Variants in FERMT2 observed in about 807,000 individuals in gnomAD.
The protein encoded by FERMT2 is fermitin family homolog 2.
Under a neutral mutation model 82.7 loss-of-function variants are expected in FERMT2, and 15 were observed. The observed-to-expected ratio is 0.18, with a 90% CI of 0.12 to 0.28. The LOEUF (loss-of-function observed/expected upper bound fraction) is 0.28. FERMT2 is among the 10% of genes least tolerant of loss of function. The pLI, the probability that FERMT2 is intolerant of heterozygous loss-of-function variation, is 1.00. For missense variants in FERMT2, 645 were observed against 809.4 expected (o/e 0.80, Z 2.46); for synonymous variants, 274 against 271.5 (o/e 1.01, Z -0.09).
At chr14:52,881,171 C>A (rs905770883) in intron 5 of FERMT2, 33 bp from the exon 6 acceptor site, 8 of 1,595,256 alleles carry the variant, frequency 5.0e-6, no homozygotes, top group Non-Finnish European at 5.2e-6. Context: ...AACAAAACAA[C>A]ACAGAATGAA....
At chr14:52,880,319 T>C (rs1886212416) in intron 6 of FERMT2, among the ~76,000 whole-genome samples, 1 of 152,236 alleles carries the variant, frequency 6.6e-6, no homozygotes, top group Non-Finnish European at 1.5e-5. Flanking sequence ...TAAAAGTAAT[T>C]GAAAAGGTAA....
At chr14:52,925,453 GA>G (rs1415287006) in intron 2 of FERMT2, among the ~76,000 whole-genome samples, 33 of 151,172 alleles carry the variant, frequency 2.2e-4, no homozygotes, top group Non-Finnish European at 4.4e-5. Context: ...AGCTACTTGG[GA>G]AGGCTGAGGC....
At position 52,924,381 on chromosome 14, in the gene FERMT2, A is replaced by G. The variant is rs190512242; in HGVS notation, c.158-5025T>C. Among the ~76,000 whole-genome samples the G allele has an allele frequency of 6.0e-4, 91 of 151,250 alleles. 1 individual carries two copies. The highest frequency in any genetic ancestry group is 2.1e-3 in the African/African-American group (86 of 40,932). ...TTAAAAAATACTGATGCCTGGCCCC[A>G]CCCTAAACTAGGGCTATTTTGGTTT... On this transcript the variant is annotated intron_variant, in intron 2 of 14. Transcript: ENST00000341590.
chr14:52,925,076 T>A (rs1570879), intron 2 of FERMT2, among the ~76,000 whole-genome samples: 5 of 152,020 alleles, frequency 3.3e-5, no homozygotes, highest in Non-Finnish European at 7.4e-5. Flanking sequence ...ATTTTGAAAC[T>A]AACAGTATCT....
chr14:52,949,154 A>T (rs1187068517), intron 2 of FERMT2, among the ~76,000 whole-genome samples: 1 of 152,188 alleles, frequency 6.6e-6, no homozygotes, highest in Non-Finnish European at 1.5e-5. Context: ...GTCTTAAGGA[A>T]GAGGCTACCT....
chr14:52,889,988 G>T (rs1426732781), intron 4 of FERMT2, among the ~76,000 whole-genome samples: 1 of 151,882 alleles, frequency 6.6e-6, no homozygotes, highest in Non-Finnish European at 1.5e-5. Context: ...AATTAGCCAA[G>T]TATGGTGGTG....
chr14:52,859,371 A>G (rs1884760297), intron 14 of FERMT2: 2 of 483,100 alleles, frequency 4.1e-6, no homozygotes, highest in Non-Finnish European at 7.0e-6. Context: ...TTCTAAGCAA[A>G]TTATGCACTT....
At chr14:52,901,021 G>A (rs930753226) in intron 3 of FERMT2, among the ~76,000 whole-genome samples, 1 of 150,948 alleles carries the variant, frequency 6.6e-6, no homozygotes, top group Non-Finnish European at 1.5e-5. Context: ...AGCACTTTGG[G>A]AGGCCGAGGC....
intron 4 of FERMT2, chr14:52,881,759 C>A (rs1251109335): frequency 1.5e-6 from 2 of 1,333,400 alleles, no homozygotes; most frequent in Non-Finnish European, 2.0e-6. Context: ...AGCAGACAGA[C>A]CAACACTTTT....
intron 7 of FERMT2, among the ~76,000 whole-genome samples, chr14:52,878,264 T>G (rs1317574778): frequency 6.6e-6 from 1 of 152,192 alleles, no homozygotes; most frequent in Non-Finnish European, 1.5e-5. Flanking sequence ...ATAAATATTT[T>G]CTTTCCAAGG....
intron 4 of FERMT2, among the ~76,000 whole-genome samples, chr14:52,884,344 G>A (rs1886465024): frequency 6.6e-6 from 1 of 152,228 alleles, no homozygotes; most frequent in Non-Finnish European, 1.5e-5. Context: ...GCTCAAGCCT[G>A]TAATCCCAGC....
chr14:52,889,383 C>T (rs1297208046), intron 4 of FERMT2, among the ~76,000 whole-genome samples: 8 of 152,136 alleles, frequency 5.3e-5, no homozygotes, highest in Non-Finnish European at 8.8e-5. Flanking sequence ...AGGAATAGTA[C>T]ACAGACCAGA....
chr14:52,873,202 A>G (rs1051000357), intron 9 of FERMT2, among the ~76,000 whole-genome samples: 1 of 152,138 alleles, frequency 6.6e-6, no homozygotes, highest in African/African-American at 2.4e-5. Flanking sequence ...CACATCTATC[A>G]CTAACTAGCA....
chr14:52,859,295 C>T (rs1190840796), intron 14 of FERMT2: 1 of 295,500 alleles, frequency 3.4e-6, no homozygotes, highest in Non-Finnish European at 6.3e-6. Context: ...AGGCATTCAA[C>T]AAACAGTAGC....
Position 52,935,232 on chromosome 14 carries a change from A to G in FERMT2, c.157+15180T>C, listed in dbSNP as rs139089753. Reference sequence around the variant, plus strand: ...TCTGCTAGCAGAAGCTGTAAACTTCAAAGTTTACATATCATTCAAACTGCA... The same window carrying G: ...TCTGCTAGCAGAAGCTGTAAACTTCGAAGTTTACATATCATTCAAACTGCA... On this transcript the variant is annotated intron_variant, in intron 2 of 14. Coordinates refer to ENST00000341590, the MANE Select transcript of FERMT2 (RefSeq NM_006832.3). Among the ~76,000 whole-genome samples the G allele has an allele frequency of 7.2e-5, 11 of 152,346 alleles. No homozygotes were observed. The East Asian group carries it at 1.7e-3, about 24-fold the overall frequency.
At chr14:52,863,642 A>C (rs919580117) in intron 12 of FERMT2, 4 of 152,192 alleles carry the variant, frequency 2.6e-5, no homozygotes, top group African/African-American at 9.6e-5. Context: ...TTCAATGAAA[A>C]TTTACCAAAC....
chr14:52,912,652 G>C (rs1248749368), intron 3 of FERMT2, among the ~76,000 whole-genome samples: 2 of 152,004 alleles, frequency 1.3e-5, no homozygotes, highest in African/African-American at 4.8e-5. Flanking sequence ...TGGGACCACA[G>C]GTGTGTGCCA....
At chr14:52,902,412 A>AG (rs1328329182) in intron 3 of FERMT2, among the ~76,000 whole-genome samples, 1 of 151,578 alleles carries the variant, frequency 6.6e-6, no homozygotes, top group African/African-American at 2.4e-5. Context: ...AACAAAAAAA[A>AG]AAGAGAGAGA....
intron 3 of FERMT2, among the ~76,000 whole-genome samples, chr14:52,902,879 A>C (rs1479422274): frequency 7.3e-6 from 1 of 136,250 alleles, no homozygotes; most frequent in East Asian, 2.1e-4. Flanking sequence ...AAAAAAAAAA[A>C]AAAAAAAAAA....
Sources: allele counts gnomAD v4.1 joint callset (sites outside exome capture counted in the v4.1 genomes callset), GRCh38; gene constraint gnomAD v4.1.1; transcripts MANE v1.5; gene names NCBI Gene and HGNC (gene_info 2026-07-23, HGNC 2026-07-21).